TMEM45B: variants seen among roughly 807,000 people sequenced by gnomAD.
The protein encoded by TMEM45B is transmembrane protein 45B.
Under a neutral mutation model 27.3 loss-of-function variants are expected in TMEM45B, and 29 were observed. The observed-to-expected ratio is 1.06, with a 90% CI of 0.79 to 1.45. The LOEUF (loss-of-function observed/expected upper bound fraction) is 1.45, where lower values mean the gene tolerates loss of function less well. TMEM45B is among the 40% of genes most tolerant of loss of function. The pLI, the probability that TMEM45B is intolerant of heterozygous loss-of-function variation, is 0.00. For synonymous variants in TMEM45B, 143 were observed against 134.7 expected (o/e 1.06, Z -0.43); for missense variants, 348 against 343.9 (o/e 1.01, Z -0.09).
At chr11:129,829,751 T>C (rs1213782982) in intron 1 of TMEM45B, among the ~76,000 whole-genome samples, 2 of 152,240 alleles carry the variant, frequency 1.3e-5, no homozygotes, top group African/African-American at 4.8e-5. Flanking sequence ...TTTGTTTTCA[T>C]TGTTATTAGT....
intron 1 of TMEM45B, among the ~76,000 whole-genome samples, chr11:129,832,534 G>A (rs958249723): frequency 6.6e-6 from 1 of 152,012 alleles, no homozygotes; most frequent in Admixed American, 6.6e-5. Flanking sequence ...GTGATTGCCA[G>A]GGGTTGGGGG....
rs575521114 is a variant in TMEM45B at position 129,854,885 on chromosome 11, A to G, written c.385+69A>G. The G allele has an allele frequency of 3.2e-6, 5 of 1,548,540 alleles. No homozygotes were observed. In the African/African-American group the frequency reaches 6.8e-5, roughly 21 times the overall value. On this transcript the variant is annotated intron_variant, in intron 3 of 5. Transcript: ENST00000281441. ...TCATATTTATGAAGGATCAGAGTAC[A>G]AAATATCAGAAATGTTGCAAATATA...
intron 3 of TMEM45B, 83 bp downstream of exon 3, chr11:129,854,899 G>A: frequency 6.6e-7 from 1 of 1,509,588 alleles, no homozygotes; most frequent in South Asian, 1.2e-5. Context: ...TATCAGAAAT[G>A]TTGCAAATAT....
Position 129,859,634 on chromosome 11 carries a change from C to T in TMEM45B, c.*949C>T, listed in dbSNP as rs1468408206. On this transcript the variant is annotated 3_prime_UTR_variant, in exon 6 of 6. Transcript: ENST00000281441. ...AGGAGATCAAGACCATCCTGGCTAA[C>T]ATGGTGAAACCCCGTCTCTACTGAA... 1 of 152,078 alleles carries T rather than the reference C, an allele frequency of 6.6e-6. No individual in the cohort carries two copies. The highest frequency in any genetic ancestry group is 1.9e-4 in the East Asian group (1 of 5,180). 9.4% of individuals were successfully genotyped at this position (152,078 alleles called of 1,614,324 possible).
chr11:129,847,849 T>C, intron 1 of TMEM45B, among the ~76,000 whole-genome samples: 1 of 152,102 alleles, frequency 6.6e-6, no homozygotes, highest in African/African-American at 2.4e-5. Flanking sequence ...CCCTTTTCTA[T>C]TCCACAAAAC....
At chr11:129,855,671 A>C in intron 3 of TMEM45B, 37 bp from the exon 4 acceptor site, 1 of 1,610,936 alleles carries the variant, frequency 6.2e-7, no homozygotes, top group Non-Finnish European at 8.5e-7. Context: ...GTGAAAGCCA[A>C]GCGTAGCCCT....
intron 1 of TMEM45B, among the ~76,000 whole-genome samples, chr11:129,851,645 AT>A (rs1374138908): frequency 6.6e-6 from 1 of 151,676 alleles, no homozygotes. Flanking sequence ...AACAACTGGT[AT>A]TTTTCTCCCA....
intron 1 of TMEM45B, among the ~76,000 whole-genome samples, chr11:129,830,320 T>A (rs1381069256): frequency 6.6e-6 from 1 of 152,052 alleles, no homozygotes; most frequent in African/African-American, 2.4e-5. Flanking sequence ...AGAGCAAAAT[T>A]CAGTCTCAAA....
intron 1 of TMEM45B, among the ~76,000 whole-genome samples, chr11:129,836,710 AGGAGAGAG>A (rs1413412948): frequency 6.6e-6 from 1 of 152,206 alleles, no homozygotes; most frequent in Non-Finnish European, 1.5e-5. Flanking sequence ...CTCCAAGCCA[AGGAGAGAG>A]GCCTCCAGAA....
In TMEM45B at chr11:129,815,911, T is replaced by C. The variant is rs1337949909; in HGVS notation, c.-9+13T>C. The C allele has an allele frequency of 1.6e-6, 2 of 1,270,942 alleles. No homozygotes were observed. The highest frequency in any genetic ancestry group is 1.6e-5 in the African/African-American group (1 of 64,460). The allele number at this position is 1,270,942 out of a possible 1,614,324, so 78.7% of individuals were successfully genotyped here. ...GCGCTGGGCACAGGTCAGACGTCCG[T>C]ACCCGCAGGGGGCTCGAACCTGGAG... On this transcript the variant is annotated intron_variant, in intron 1 of 5. Transcript: ENST00000281441.
chr11:129,851,484 T>C (rs1233287354), intron 1 of TMEM45B, among the ~76,000 whole-genome samples: 1 of 135,122 alleles, frequency 7.4e-6, no homozygotes, highest in East Asian at 2.2e-4. Context: ...GCAGAGGTTG[T>C]AGTGAGCCAA....
At chr11:129,850,208 A>C (rs915990979) in intron 1 of TMEM45B, 2 of 151,304 alleles carry the variant, frequency 1.3e-5, no homozygotes, top group Non-Finnish European at 2.9e-5. Context: ...TTTGTCACCC[A>C]GGCTGGAGTG....
At chr11:129,817,381 G>A (rs117517894) in intron 1 of TMEM45B, among the ~76,000 whole-genome samples, 1,538 of 152,242 alleles carry the variant, frequency 0.01, 10 homozygotes, top group Non-Finnish European at 0.015. Context: ...GGTTTAATAA[G>A]GATATTGGCT....
At chr11:129,858,060 A>T (rs1947955226) in intron 5 of TMEM45B, among the ~76,000 whole-genome samples, 1 of 152,190 alleles carries the variant, frequency 6.6e-6, no homozygotes, top group Non-Finnish European at 1.5e-5. Flanking sequence ...AAGGCTTCAA[A>T]AAGCTGAGTA....
chr11:129,849,189 A>T (rs1027037907), intron 1 of TMEM45B, among the ~76,000 whole-genome samples: 3 of 152,234 alleles, frequency 2.0e-5, no homozygotes, highest in African/African-American at 7.2e-5. Context: ...ACTTTGAGAT[A>T]AATTTCATCC....
chr11:129,818,792 C>T (rs3851092), intron 1 of TMEM45B, among the ~76,000 whole-genome samples: 45,656 of 152,046 alleles, frequency 0.3, 7,076 homozygotes, highest in South Asian at 0.35. Flanking sequence ...CTGAGTATAA[C>T]CTTAAAGATT....
rs529569702 is a variant in TMEM45B at position 129,858,689 on chromosome 11, G to A, written c.*4G>A. 9.0e-6 allele frequency: 14 copies of A among 1,550,168 alleles called. No homozygotes were observed. In the Middle Eastern group the frequency reaches 5.0e-4, roughly 56 times the overall value. On this transcript the variant is annotated 3_prime_UTR_variant, in exon 6 of 6. Coordinates refer to ENST00000281441, the MANE Select transcript of TMEM45B (RefSeq NM_138788.5). ...GAGTGGCTCAGATGAGGAATGAGCCGAGATGCGGAGGGCGCAGATGTCCCA... is the reference window on the plus strand; with the variant it reads ...GAGTGGCTCAGATGAGGAATGAGCCAAGATGCGGAGGGCGCAGATGTCCCA...
At chr11:129,845,984 T>C (rs574658498) in intron 1 of TMEM45B, among the ~76,000 whole-genome samples, 10 of 152,314 alleles carry the variant, frequency 6.6e-5, no homozygotes, top group Admixed American at 5.2e-4. Context: ...AGTTCAATTT[T>C]AAAGAGAATA....
At chr11:129,847,404 G>GTTTTTTTTTTT (rs1555072221) in intron 1 of TMEM45B, among the ~76,000 whole-genome samples, 1 of 147,868 alleles carries the variant, frequency 6.8e-6, no homozygotes, top group African/African-American at 2.6e-5. Flanking sequence ...AGCTTATGAA[G>GTTTTTTTTTTT]TTATTTTTTT....
Sources: allele counts gnomAD v4.1 joint callset (sites outside exome capture counted in the v4.1 genomes callset), GRCh38; gene constraint gnomAD v4.1.1; transcripts MANE v1.5; gene names NCBI Gene and HGNC (gene_info 2026-07-23, HGNC 2026-07-21).